Variants in ARHGAP44 observed in about 807,000 individuals in gnomAD.
ARHGAP44 encodes the protein Rho GTPase activating protein 44.
A neutral mutation model predicts 106.8 loss-of-function variants in ARHGAP44; 43 were observed. That is an observed-to-expected ratio of 0.40 (90% CI 0.32 to 0.52). ARHGAP44 has a LOEUF of 0.52. Ranked by LOEUF, ARHGAP44 falls within the 20% of genes least tolerant of loss-of-function variation. The pLI is 0.48. For missense variants in ARHGAP44, 866 were observed against 1,050.5 expected, an observed-to-expected ratio of 0.82 and a Z score of 2.43; for synonymous variants, 439 against 410.3, an observed-to-expected ratio of 1.07 and a Z score of -0.85.
chr17:12,840,572 C>T (rs1302691881), intron 1 of ARHGAP44, among the ~76,000 whole-genome samples: 1 of 152,136 alleles, frequency 6.6e-6, no homozygotes, highest in Non-Finnish European at 1.5e-5. Context: ...AATGTCTGGC[C>T]TGGGAGAGCA....
At chr17:12,916,919 G>A (rs1386724526) in intron 5 of ARHGAP44, among the ~76,000 whole-genome samples, 5 of 152,262 alleles carry the variant, frequency 3.3e-5, no homozygotes, top group East Asian at 1.9e-4. Flanking sequence ...GAAACAATCC[G>A]AAATCTGAAA....
intron 16 of ARHGAP44, among the ~76,000 whole-genome samples, chr17:12,969,956 A>G (rs947073450): frequency 6.6e-6 from 1 of 152,218 alleles, no homozygotes; most frequent in African/African-American, 2.4e-5. Context: ...CTATTCCATG[A>G]TACCATCTCA....
At chr17:12,794,678 C>G (rs950564460) in intron 1 of ARHGAP44, among the ~76,000 whole-genome samples, 1 of 152,066 alleles carries the variant, frequency 6.6e-6, no homozygotes, top group Non-Finnish European at 1.5e-5. Flanking sequence ...GTCTCTGGAG[C>G]CTTGTTTTCT....
intron 19 of ARHGAP44, among the ~76,000 whole-genome samples, chr17:12,982,304 C>T (rs1398049159): frequency 7.3e-6 from 1 of 136,742 alleles, no homozygotes; most frequent in African/African-American, 2.7e-5. Flanking sequence ...GCACACTTAG[C>T]AGGTCTTTTT....
rs1408626507 is a variant in ARHGAP44 at position 12,980,215 on chromosome 17, C to A, written c.1921C>A (p.Pro641Thr). The change falls in exon 19 of 21, where the codon CCT (proline) becomes ACT (threonine). Residue 641 changes from proline (P) to threonine (T), a missense_variant. Transcript: ENST00000379672. ...SPSQPPADQS[P>T]HTLRKVSKKL... ...CAGCCAGCCGCCTGCAGACCAGAGT[C>A]CTCACACCCTCCGGAAAGGTATGGC... is the stretch of plus-strand genomic sequence containing the variant. 2 of 1,612,728 alleles carry A rather than the reference C, an allele frequency of 1.2e-6. No homozygotes were observed. The highest frequency in any genetic ancestry group is 1.1e-5 in the South Asian group (1 of 90,974).
intron 1 of ARHGAP44, among the ~76,000 whole-genome samples, chr17:12,818,450 A>G (rs79126432): frequency 1.4e-4 from 21 of 151,970 alleles, no homozygotes; most frequent in African/African-American, 4.8e-4. Context: ...CATTTCTTCT[A>G]CTTAACCTTG....
chr17:12,931,192 C>T lies in ARHGAP44; in HGVS notation c.582+2146C>T, dbSNP rs1362649073. On this transcript the variant is annotated intron_variant, in intron 7 of 20. Coordinates refer to ENST00000379672, the MANE Select transcript of ARHGAP44 (RefSeq NM_014859.6). ...GTTCAAGCAATTCTTATGCCTTAGCCTCCTGAGTAGCTGGGACTACAGGCG... is the reference window on the plus strand; with the variant it reads ...GTTCAAGCAATTCTTATGCCTTAGCTTCCTGAGTAGCTGGGACTACAGGCG... Among the ~76,000 whole-genome samples the T allele has an allele frequency of 2.6e-5, 4 of 152,102 alleles. No individual in the cohort carries two copies. The East Asian group carries it at 7.8e-4, about 30-fold the overall frequency.
chr17:12,856,289 C>A (rs567109425), intron 1 of ARHGAP44, among the ~76,000 whole-genome samples: 1 of 152,268 alleles, frequency 6.6e-6, no homozygotes, highest in East Asian at 1.9e-4. Context: ...CTACCTTGTT[C>A]AATCAACTCT....
chr17:12,966,712 C>T (rs1400700340), intron 16 of ARHGAP44, among the ~76,000 whole-genome samples: 1 of 152,194 alleles, frequency 6.6e-6, no homozygotes, highest in Non-Finnish European at 1.5e-5. Context: ...TTTCCCTGCC[C>T]CCTCTTTCTT....
At chr17:12,962,821 G>A (rs2039294931) in intron 16 of ARHGAP44, among the ~76,000 whole-genome samples, 1 of 152,106 alleles carries the variant, frequency 6.6e-6, no homozygotes, top group African/African-American at 2.4e-5. Context: ...CGAGTTGGGT[G>A]GATCACCTGA....
At chr17:12,869,435 AT>A (rs11294685) in intron 1 of ARHGAP44, among the ~76,000 whole-genome samples, 136,476 of 151,734 alleles carry the variant, frequency 0.9, 61,500 homozygotes, top group Non-Finnish European at 0.92. Flanking sequence ...TCATTTTTAA[AT>A]TTTTTTTTTA....
intron 1 of ARHGAP44, among the ~76,000 whole-genome samples, chr17:12,854,958 CAAAAAAAAAAAA>C (rs1182512832): frequency 3.9e-5 from 2 of 50,944 alleles, no homozygotes; most frequent in African/African-American, 1.1e-4. Context: ...AACTCTGTCT[CAAAAAAAAAAAA>C]AAAAAAAAAA....
At chr17:12,916,865 G>T (rs534821168) in intron 5 of ARHGAP44, among the ~76,000 whole-genome samples, 1 of 152,306 alleles carries the variant, frequency 6.6e-6, no homozygotes, top group African/African-American at 2.4e-5. Context: ...CCTCTCAGTT[G>T]TTTTTAATTC....
chr17:12,908,993 G>A lies in ARHGAP44; in HGVS notation c.275+20G>A, dbSNP rs1342924762. On this transcript the variant is annotated intron_variant, in intron 4 of 20. Transcript: ENST00000379672. ...TCTTGGGTAAGGTGACACCTTGCGTGAGTTTGGTGCCAAATCTAAGTAAGT... is the reference window on the plus strand; with the variant it reads ...TCTTGGGTAAGGTGACACCTTGCGTAAGTTTGGTGCCAAATCTAAGTAAGT... 6.4e-7 allele frequency: 1 copy of A among 1,569,044 alleles called. No homozygotes were observed. The highest frequency in any genetic ancestry group is 8.6e-7 in the Non-Finnish European group (1 of 1,162,470).
rs762643264 is a variant in ARHGAP44, at chr17:12,958,828, C to T, written c.1454C>T (p.Pro485Leu). The change falls in exon 16 of 21, where the codon CCC (proline) becomes CTC (leucine). Residue 485 changes from proline (P) to leucine (L), a missense_variant. This residue lies in a region of ARHGAP44 where 448 missense variants were observed against 646.9 expected (regional missense o/e 0.69). Transcript: ENST00000379672. This position sits in a 1 kb window ranked among gnomAD's most constrained non-coding sequence, Gnocchi z 4.1. ...PDMDPADRRQPEQARRPLSVA... is the reference protein window; with the variant it reads ...PDMDPADRRQLEQARRPLSVA... ...ATGGACCCTGCTGACCGGCGCCAGCCCGAGCAGGCCCGCCGGCCCCTCAGC... is the reference window on the plus strand; with the variant it reads ...ATGGACCCTGCTGACCGGCGCCAGCTCGAGCAGGCCCGCCGGCCCCTCAGC... 1.1e-5 allele frequency: 17 copies of T among 1,587,326 alleles called. No homozygotes were observed. Among genetic ancestry groups the T allele is most frequent in the Non-Finnish European group, 1.5e-5 (17 of 1,168,324 alleles).
chr17:12,840,312 A>G (rs191024648), intron 1 of ARHGAP44, among the ~76,000 whole-genome samples: 22 of 152,312 alleles, frequency 1.4e-4, no homozygotes, highest in African/African-American at 4.8e-4. Flanking sequence ...CCTTAGGACT[A>G]TGCTTCTGGC....
At chr17:12,978,036 CAAAAAAAAA>C (rs1157325814) in intron 18 of ARHGAP44, among the ~76,000 whole-genome samples, 7 of 89,300 alleles carry the variant, frequency 7.8e-5, no homozygotes, top group Non-Finnish European at 3.9e-5. Flanking sequence ...GACTCCATCT[CAAAAAAAAA>C]AAAAAAAAAA....
intron 1 of ARHGAP44, among the ~76,000 whole-genome samples, chr17:12,828,497 G>A (rs1427590818): frequency 6.6e-6 from 1 of 151,894 alleles, no homozygotes; most frequent in African/African-American, 2.4e-5. Context: ...ATATATACAT[G>A]AAGTAAATGA....
At chr17:12,912,797 G>A (rs182217654) in intron 4 of ARHGAP44, among the ~76,000 whole-genome samples, 29 of 152,348 alleles carry the variant, frequency 1.9e-4, no homozygotes, top group Non-Finnish European at 4.1e-4. Flanking sequence ...CTCAGCCTAG[G>A]AGTTCAATAT....
Sources: gnomAD v4.1 joint callset for allele counts (sites outside exome capture counted in the v4.1 genomes callset) on GRCh38, gnomAD v4.1.1 for gene constraint, gnomAD v4.1.1 regional missense constraint, Gnocchi (gnomAD v3.1) non-coding constraint, MANE v1.5 for transcripts, NCBI Gene and HGNC (gene_info 2026-07-23, HGNC 2026-07-21) for gene names.